Variants in FBXO25 observed in about 807,000 individuals in gnomAD.
FBXO25 encodes the protein F-box protein 25.
FBXO25 carries 45 observed loss-of-function variants against 51.9 expected under a neutral mutation model. The observed-to-expected ratio is 0.87, with a 90% CI of 0.68 to 1.11. FBXO25 has a LOEUF of 1.11. Among genes scored for constraint, FBXO25 ranks in the 50% most tolerant of loss-of-function variants. The probability of loss-of-function intolerance (pLI) is 0.00; values close to 1 mark genes in which losing one functional copy is unlikely to be tolerated. For missense variants in FBXO25, 507 were observed against 428.5 expected (o/e 1.18, Z -1.62); for synonymous variants, 199 against 151.0 (o/e 1.32, Z -2.33).
chr8:434,465 T>G (rs1057465044), intron 4 of FBXO25, among the ~76,000 whole-genome samples: 2 of 152,204 alleles, frequency 1.3e-5, no homozygotes, highest in South Asian at 2.1e-4. Context: ...TAGCAGGCAG[T>G]CAGTCAACAT....
chr8:418,080 A>G (rs1796917867), intron 2 of FBXO25, among the ~76,000 whole-genome samples: 1 of 152,154 alleles, frequency 6.6e-6, no homozygotes, highest in African/African-American at 2.4e-5. Flanking sequence ...TACACACTGC[A>G]CAAGGGGAGG....
intron 5 of FBXO25, among the ~76,000 whole-genome samples, chr8:448,727 C>T (rs1798890016): frequency 6.6e-6 from 1 of 152,126 alleles, no homozygotes; most frequent in Non-Finnish European, 1.5e-5. Context: ...ACTGTCTCAC[C>T]TGTAATCACA....
chr8:446,621 C>G (rs192408531), intron 5 of FBXO25, among the ~76,000 whole-genome samples: 6 of 152,296 alleles, frequency 3.9e-5, no homozygotes, highest in Admixed American at 6.5e-5. Context: ...AACACTAAAA[C>G]AAGGAATTTA....
At position 474,945 on chromosome 8, in the gene FBXO25, C is replaced by A. The variant is rs1157086703; in HGVS notation, c.*6141C>A. The A allele has an allele frequency of 2.3e-6, 1 of 444,350 alleles. No individual in the cohort carries two copies. Among genetic ancestry groups the A allele is most frequent in the African/African-American group, 2.0e-5 (1 of 49,078 alleles). 27.5% of individuals were successfully genotyped at this position (444,350 alleles called of 1,614,324 possible). A position where few individuals can be genotyped will look rare whatever the true frequency, so the allele number is the denominator to read the frequency against. On this transcript the variant is annotated 3_prime_UTR_variant, in exon 10 of 10. Transcript: ENST00000350302. ...TACTTTGTCCCATTCCGTGGATTGC[C>A]TTTCACTCTGTTTTGTTCTTTGATG... is the stretch of plus-strand genomic sequence containing the variant.
chr8:465,514 C>T (rs1042702271), intron 9 of FBXO25, among the ~76,000 whole-genome samples: 5 of 152,184 alleles, frequency 3.3e-5, no homozygotes, highest in East Asian at 1.9e-4. Flanking sequence ...CTCTCCCTGT[C>T]TGCTGAGCAA....
chr8:447,942 G>A (rs1798842579), intron 5 of FBXO25, among the ~76,000 whole-genome samples: 1 of 152,098 alleles, frequency 6.6e-6, no homozygotes, highest in Non-Finnish European at 1.5e-5. Context: ...GGCAGCAGCC[G>A]GGAGAACCAC....
At chr8:464,100 C>A (rs1036008064) in intron 9 of FBXO25, among the ~76,000 whole-genome samples, 1 of 152,148 alleles carries the variant, frequency 6.6e-6, no homozygotes, top group Non-Finnish European at 1.5e-5. Context: ...TCCTGAGTAG[C>A]TGGGACCAGC....
chr8:416,020 G>A (rs996348358), intron 2 of FBXO25, among the ~76,000 whole-genome samples: 4 of 152,116 alleles, frequency 2.6e-5, no homozygotes, highest in African/African-American at 7.2e-5. Context: ...CAAACATAAC[G>A]CATTCAGCTC....
At chr8:426,838 G>T (rs1214491348) in intron 2 of FBXO25, among the ~76,000 whole-genome samples, 1 of 135,710 alleles carries the variant, frequency 7.4e-6, no homozygotes, top group East Asian at 2.6e-4. Flanking sequence ...GTCGCCCTCT[G>T]CTCTGCTGCT....
chr8:430,197 C>G (rs1381726465), intron 2 of FBXO25, among the ~76,000 whole-genome samples: 2 of 152,148 alleles, frequency 1.3e-5, no homozygotes, highest in South Asian at 4.1e-4. Flanking sequence ...TTAGAAAAAC[C>G]GTTATAGATT....
intron 9 of FBXO25, among the ~76,000 whole-genome samples, chr8:465,268 C>G (rs1044208051): frequency 6.6e-6 from 1 of 152,202 alleles, no homozygotes; most frequent in Non-Finnish European, 1.5e-5. Context: ...AAACATGTGA[C>G]TGTGTCTTCA....
intron 5 of FBXO25, among the ~76,000 whole-genome samples, chr8:439,064 A>G (rs999361485): frequency 1.9e-4 from 29 of 152,246 alleles, no homozygotes; most frequent in African/African-American, 7.0e-4. Flanking sequence ...AGAGGTGCCC[A>G]GCAAACCCAG....
chr8:463,814 T>C (rs996329548), intron 9 of FBXO25, among the ~76,000 whole-genome samples: 19 of 152,154 alleles, frequency 1.2e-4, no homozygotes, highest in African/African-American at 4.3e-4. Flanking sequence ...TATTTCTTTG[T>C]TGTCTTTTTT....
chr8:435,523 C>G lies in FBXO25; in HGVS notation c.289-92C>G, dbSNP rs1222941530. The G allele has an allele frequency of 9.0e-6, 12 of 1,337,974 alleles. No individual in the cohort carries two copies. In the East Asian group the frequency reaches 1.5e-4, roughly 17 times the overall value. The allele number at this position is 1,337,974 out of a possible 1,614,324, so 82.9% of individuals were successfully genotyped here. A position where few individuals can be genotyped will look rare whatever the true frequency, so the allele number is the denominator to read the frequency against. On this transcript the variant is annotated intron_variant, in intron 4 of 9. Coordinates refer to ENST00000350302, the MANE Select transcript of FBXO25 (RefSeq NM_183420.2). ...AAAATAAAAACAAATTGTCCTTTGC[C>G]AAAAATTTTTTTAATCGCACAATTA...
At chr8:411,205 G>T (rs182840842) in intron 1 of FBXO25, among the ~76,000 whole-genome samples, 6 of 152,304 alleles carry the variant, frequency 3.9e-5, no homozygotes, top group African/African-American at 1.4e-4. Flanking sequence ...TTTTGCTTGA[G>T]TAATTCAGCT....
At position 474,757 on chromosome 8, in the gene FBXO25, A is replaced by G. The variant is rs1563107119; in HGVS notation, c.*5953A>G. ...TTCTGGGTATTCACCCTTTTCAGATATATCATTTTAAAATACTTTGTCCCA... is the reference window on the plus strand; with the variant it reads ...TTCTGGGTATTCACCCTTTTCAGATGTATCATTTTAAAATACTTTGTCCCA... On this transcript the variant is annotated 3_prime_UTR_variant, in exon 10 of 10. Coordinates refer to ENST00000350302, the MANE Select transcript of FBXO25 (RefSeq NM_183420.2). The G allele has an allele frequency of 2.2e-6, 1 of 456,710 alleles. No individual in the cohort carries two copies. The highest frequency in any genetic ancestry group is 4.4e-6 in the Non-Finnish European group (1 of 226,970). The allele number at this position is 456,710 out of a possible 1,614,324, so 28.3% of individuals were successfully genotyped here. A position where few individuals can be genotyped will look rare whatever the true frequency, so the allele number is the denominator to read the frequency against.
At chr8:435,550 T>C (rs1798052775) in intron 4 of FBXO25, 65 bp from the exon 5 acceptor site, 4 of 1,563,120 alleles carry the variant, frequency 2.6e-6, no homozygotes, top group African/African-American at 1.4e-5. Flanking sequence ...GCACAATTAA[T>C]TGACATTAAC....
rs148269403 is a variant in FBXO25 at position 428,090 on chromosome 8, G to A, written c.135-3251G>A. ...GGGTTTAATTATGAGAAATAGTTCC[G>A]TTCTTGGCTCTTGTTTACTTCTACT... is the stretch of plus-strand genomic sequence containing the variant. On this transcript the variant is annotated intron_variant, in intron 2 of 9. Coordinates refer to ENST00000350302, the MANE Select transcript of FBXO25 (RefSeq NM_183420.2). 9.9e-3 allele frequency among the ~76,000 whole-genome samples: 1,509 copies of A among 152,262 alleles called. 20 individuals carry two copies. The highest frequency in any genetic ancestry group is 0.033 in the African/African-American group (1,386 of 41,544).
At position 473,572 on chromosome 8, in the gene FBXO25, T is replaced by G. The variant is rs1366270612; in HGVS notation, c.*4768T>G. The G allele has an allele frequency of 6.6e-6, 1 of 152,156 alleles. No individual in the cohort carries two copies. The highest frequency in any genetic ancestry group is 1.5e-5 in the Non-Finnish European group (1 of 68,080). 9.4% of individuals were successfully genotyped at this position (152,156 alleles called of 1,614,324 possible). Reference sequence around the variant, plus strand: ...TTGTACTTGGTCCTCTTCCTTCCAATCCTCACTGGCTCAAATCCACAGAGT... The same window carrying G: ...TTGTACTTGGTCCTCTTCCTTCCAAGCCTCACTGGCTCAAATCCACAGAGT... On this transcript the variant is annotated 3_prime_UTR_variant, in exon 10 of 10. Transcript: ENST00000350302.
Sources: allele counts gnomAD v4.1 joint callset (sites outside exome capture counted in the v4.1 genomes callset), GRCh38; gene constraint gnomAD v4.1.1; transcripts MANE v1.5; gene names NCBI Gene and HGNC (gene_info 2026-07-23, HGNC 2026-07-21).